Variants in OPCML observed in about 807,000 individuals in gnomAD.
OPCML encodes the protein opioid-binding protein/cell adhesion molecule.
OPCML carries 13 observed loss-of-function variants against 37.8 expected under a neutral mutation model. That is an observed-to-expected ratio of 0.34 (90% CI 0.22 to 0.55). OPCML has a LOEUF of 0.55. OPCML is among the 20% of genes least tolerant of loss of function. The pLI is 0.91. For synonymous variants in OPCML, 176 were observed against 168.8 expected, an observed-to-expected ratio of 1.04 and a Z score of -0.33; for missense variants, 341 against 435.6, an observed-to-expected ratio of 0.78 and a Z score of 1.93.
chr11:133,004,427 A>C (rs1947067889), intron 1 of OPCML: 1 of 985,350 alleles, frequency 1.0e-6, no homozygotes, highest in Admixed American at 6.1e-5. Context: ...TTGACAGCCA[A>C]GTCCCAGCAA....
At chr11:133,180,472 G>A (rs186475438) in intron 1 of OPCML, among the ~76,000 whole-genome samples, 1 of 152,258 alleles carries the variant, frequency 6.6e-6, no homozygotes, top group East Asian at 1.9e-4. Flanking sequence ...TCAAATCATA[G>A]CAAATGTAAG....
rs540433246 is a variant in OPCML at position 133,222,471 on chromosome 11, C to T, written c.62-279461G>A. Among the ~76,000 whole-genome samples the T allele has an allele frequency of 4.2e-4, 64 of 152,256 alleles. No homozygotes were observed. The South Asian group carries it at 5.6e-3, about 13-fold the overall frequency. On this transcript the variant is annotated intron_variant, in intron 1 of 7. Coordinates refer to ENST00000524381, the MANE Select transcript of OPCML (RefSeq NM_001012393.5). ...TGTTCCTGTGGCCGCTCCTCACTGA[C>T]GGGCTGCAGCCTGGACTGGGGAGAC...
intron 2 of OPCML, among the ~76,000 whole-genome samples, chr11:132,911,573 C>T (rs1316118686): frequency 6.6e-6 from 1 of 152,172 alleles, no homozygotes; most frequent in Non-Finnish European, 1.5e-5. Context: ...CAGTGAGCGC[C>T]ATCTGACAGC....
Position 132,528,920 on chromosome 11 carries a change from C to A in OPCML, c.505+141G>T, listed in dbSNP as rs987693129. On this transcript the variant is annotated intron_variant, in intron 4 of 7. Coordinates refer to ENST00000524381, the MANE Select transcript of OPCML (RefSeq NM_001012393.5). ...GAATCCTTCTTTTGAAATGAAATAG[C>A]CAGCAATTGGTGCATATTGCCTGTT... 8 of 532,160 alleles carry A rather than the reference C, an allele frequency of 1.5e-5. No homozygotes were observed. In the South Asian group the frequency reaches 2.5e-4, roughly 16 times the overall value. 33.0% of individuals were successfully genotyped at this position (532,160 alleles called of 1,614,324 possible).
At chr11:133,371,835 T>C (rs1249310214) in intron 1 of OPCML, among the ~76,000 whole-genome samples, 1 of 152,220 alleles carries the variant, frequency 6.6e-6, no homozygotes, top group Non-Finnish European at 1.5e-5. Flanking sequence ...GAATACTATT[T>C]GGCCATTAAA....
At chr11:133,315,873 C>G (rs761480688) in intron 1 of OPCML, among the ~76,000 whole-genome samples, 2 of 152,176 alleles carry the variant, frequency 1.3e-5, no homozygotes, top group African/African-American at 2.4e-5. Context: ...ATACCTTCAT[C>G]ATCAGTGAAC....
chr11:133,188,613 TTGTTTTAAAATG>T (rs1938185054), intron 1 of OPCML, among the ~76,000 whole-genome samples: 1 of 152,200 alleles, frequency 6.6e-6, no homozygotes, highest in Non-Finnish European at 1.5e-5. Context: ...CACAAAATTA[TTGTTTTAAAATG>T]TGTTTGTATG....
intron 2 of OPCML, among the ~76,000 whole-genome samples, chr11:132,763,518 A>G (rs1349834606): frequency 2.6e-5 from 4 of 152,168 alleles, no homozygotes; most frequent in African/African-American, 9.7e-5. Context: ...TATGATCAAA[A>G]TGTTCTTTTA....
At chr11:133,178,696 G>T (rs976674909) in intron 1 of OPCML, among the ~76,000 whole-genome samples, 1 of 152,122 alleles carries the variant, frequency 6.6e-6, no homozygotes, top group African/African-American at 2.4e-5. Context: ...GCCAGACATG[G>T]AGAGGCCAGG....
At chr11:133,254,228 G>T (rs180961537) in intron 1 of OPCML, among the ~76,000 whole-genome samples, 1 of 152,126 alleles carries the variant, frequency 6.6e-6, no homozygotes. Flanking sequence ...TTAGGCTCCC[G>T]GGGAAAGGGG....
intron 1 of OPCML, among the ~76,000 whole-genome samples, chr11:132,965,508 CGTT>C (rs773318879): frequency 1.1e-3 from 161 of 151,916 alleles, no homozygotes; most frequent in African/African-American, 2.2e-3. Context: ...ATATTTTTGT[CGTT>C]GTTGTTGTTG....
intron 2 of OPCML, among the ~76,000 whole-genome samples, chr11:132,689,915 A>T (rs1231960280): frequency 6.6e-6 from 1 of 152,256 alleles, no homozygotes; most frequent in East Asian, 1.9e-4. Context: ...GTAATCATTT[A>T]TAGGAAAAAA....
chr11:132,869,721 T>A (rs1942721535), intron 2 of OPCML, among the ~76,000 whole-genome samples: 1 of 152,176 alleles, frequency 6.6e-6, no homozygotes, highest in Admixed American at 6.5e-5. Flanking sequence ...GACAAAACTG[T>A]TTTAGCTAAT....
intron 1 of OPCML, among the ~76,000 whole-genome samples, chr11:133,131,064 G>A (rs1432624852): frequency 6.6e-6 from 1 of 152,074 alleles, no homozygotes; most frequent in Non-Finnish European, 1.5e-5. Context: ...AACGGGATTA[G>A]TGTCCTTACA....
chr11:132,884,451 G>A (rs991888440), intron 2 of OPCML, among the ~76,000 whole-genome samples: 1 of 152,130 alleles, frequency 6.6e-6, no homozygotes, highest in Non-Finnish European at 1.5e-5. Context: ...AATATAAGGA[G>A]ACAAATACCA....
At chr11:132,430,009 G>A (rs1226842827) in intron 7 of OPCML, among the ~76,000 whole-genome samples, 4 of 152,168 alleles carry the variant, frequency 2.6e-5, no homozygotes, top group Admixed American at 6.5e-5. Flanking sequence ...GGCATTGTGG[G>A]GTGAGAGGGG....
chr11:133,149,548 T>C (rs1399462283), intron 1 of OPCML, among the ~76,000 whole-genome samples: 2 of 152,220 alleles, frequency 1.3e-5, no homozygotes, highest in Non-Finnish European at 2.9e-5. Flanking sequence ...CCCTGATAAG[T>C]CGGTTGCCAC....
chr11:133,011,338 T>A (rs970236876), intron 1 of OPCML, among the ~76,000 whole-genome samples: 4 of 152,130 alleles, frequency 2.6e-5, no homozygotes, highest in Non-Finnish European at 5.9e-5. Context: ...AGGGCCAGTG[T>A]GAGAGAAGTG....
intron 1 of OPCML, among the ~76,000 whole-genome samples, chr11:133,390,894 C>G (rs1477069339): frequency 1.3e-5 from 2 of 151,524 alleles, no homozygotes; most frequent in East Asian, 2.0e-4. Flanking sequence ...CTGCAAGGAG[C>G]AATAAAACTT....
Sources: gnomAD v4.1 joint callset for allele counts (sites outside exome capture counted in the v4.1 genomes callset) on GRCh38, gnomAD v4.1.1 for gene constraint, MANE v1.5 for transcripts, NCBI Gene and HGNC (gene_info 2026-07-23, HGNC 2026-07-21) for gene names.